ANTXR2: variants seen among roughly 807,000 people sequenced by gnomAD.
The protein encoded by ANTXR2 is ANTXR cell adhesion molecule 2.
ANTXR2 carries 44 observed loss-of-function variants against 73.7 expected under a neutral mutation model. The ratio of observed to expected loss-of-function variants is 0.60; its 90% confidence interval spans 0.47 to 0.77. The LOEUF (loss-of-function observed/expected upper bound fraction) is 0.77. ANTXR2 is among the 30% of genes least tolerant of loss of function. The pLI is 0.00. For synonymous variants in ANTXR2, 217 were observed against 205.9 expected (o/e 1.05, Z -0.46); for missense variants, 604 against 592.5 (o/e 1.02, Z -0.20).
At chr4:79,937,194 A>G (rs1728298890) in intron 16 of ANTXR2, among the ~76,000 whole-genome samples, 1 of 152,172 alleles carries the variant, frequency 6.6e-6, no homozygotes, top group Admixed American at 6.5e-5. Flanking sequence ...CCAGGTGCCT[A>G]TTTCATATTC....
intron 16 of ANTXR2, among the ~76,000 whole-genome samples, chr4:79,946,290 C>G (rs953433509): frequency 6.6e-6 from 1 of 152,184 alleles, no homozygotes; most frequent in African/African-American, 2.4e-5. Context: ...CCTCTGCAAA[C>G]AAACTCTAAG....
chr4:80,008,657 C>T, intron 11 of ANTXR2, 41 bp from the exon 12 acceptor site: 3 of 1,338,124 alleles, frequency 2.2e-6, no homozygotes, highest in Non-Finnish European at 2.1e-6. Context: ...GTCAGCACAG[C>T]TTATGGTCAA....
chr4:79,914,681 C>G (rs1330909451), intron 16 of ANTXR2, among the ~76,000 whole-genome samples: 2 of 152,108 alleles, frequency 1.3e-5, no homozygotes, highest in Non-Finnish European at 2.9e-5. Context: ...TTAACCTGAA[C>G]TAAGTTGAAA....
intron 16 of ANTXR2, among the ~76,000 whole-genome samples, chr4:79,923,021 G>A (rs1157308523): frequency 6.6e-6 from 1 of 151,924 alleles, no homozygotes; most frequent in African/African-American, 2.4e-5. Context: ...TAGACTGTAA[G>A]CTCCATGTTT....
intron 12 of ANTXR2, among the ~76,000 whole-genome samples, chr4:79,993,760 G>GCGCGCGCACACACA (rs71662888): frequency 2.1e-4 from 30 of 140,770 alleles, no homozygotes; most frequent in African/African-American, 7.7e-4. Context: ...ACACACACAC[G>GCGCGCGCACACACA]CACACACACA....
rs899144164 is a variant in ANTXR2 at position 79,905,250 on chromosome 4, T to C, written c.*2179A>G. On this transcript the variant is annotated 3_prime_UTR_variant, in exon 17 of 17. Transcript: ENST00000403729. ...CATAGCCTTAGCTTCTGTAGTATTC[T>C]CAATGATATTAAAATAGCAATAATT... is the stretch of plus-strand genomic sequence containing the variant. The C allele has an allele frequency of 6.6e-6, 1 of 152,214 alleles. No homozygotes were observed. The highest frequency in any genetic ancestry group is 1.5e-5 in the Non-Finnish European group (1 of 68,038). 9.4% of individuals were successfully genotyped at this position (152,214 alleles called of 1,614,324 possible).
At chr4:79,935,603 A>C (rs751164041) in intron 16 of ANTXR2, among the ~76,000 whole-genome samples, 10 of 152,316 alleles carry the variant, frequency 6.6e-5, no homozygotes, top group South Asian at 2.1e-4. Context: ...TAAGAAGAAG[A>C]AGCAAAGTGC....
intron 16 of ANTXR2, among the ~76,000 whole-genome samples, chr4:79,947,989 A>C (rs1728575006): frequency 6.6e-6 from 1 of 152,142 alleles, no homozygotes; most frequent in Admixed American, 6.6e-5. Context: ...TTGCTAGTTG[A>C]CTGTACTCAT....
At chr4:79,983,035 G>A (rs1729957065) in intron 14 of ANTXR2, among the ~76,000 whole-genome samples, 1 of 152,072 alleles carries the variant, frequency 6.6e-6, no homozygotes, top group African/African-American at 2.4e-5. Context: ...CTGGCACAAA[G>A]CAGATATGAC....
intron 12 of ANTXR2, among the ~76,000 whole-genome samples, chr4:80,002,383 T>A (rs1332032002): frequency 6.6e-6 from 1 of 152,146 alleles, no homozygotes; most frequent in African/African-American, 2.4e-5. Context: ...CTGGATCCCT[T>A]CCTTACACCT....
intron 7 of ANTXR2, among the ~76,000 whole-genome samples, chr4:80,047,432 A>AT (rs535165049): frequency 2.0e-5 from 3 of 151,690 alleles, no homozygotes; most frequent in South Asian, 4.2e-4. Context: ...ATCACTACTG[A>AT]TTTTTTTGTT....
intron 16 of ANTXR2, among the ~76,000 whole-genome samples, chr4:79,953,697 CT>C (rs562262658): frequency 6.6e-6 from 1 of 151,568 alleles, no homozygotes; most frequent in Admixed American, 6.6e-5. Flanking sequence ...AATTATATTT[CT>C]TTTTTTTAAG....
chr4:79,978,047 G>A lies in ANTXR2; in HGVS notation c.1307C>T (p.Thr436Ile). 2 of 1,609,876 alleles carry A rather than the reference G, an allele frequency of 1.2e-6. No homozygotes were observed. Among genetic ancestry groups the A allele is most frequent in the South Asian group, 1.1e-5 (1 of 90,818 alleles). The change falls in exon 15 of 17, where the codon ACA becomes ATA. Residue 436 changes from threonine to isoleucine, a missense_variant. Thr to Ile is a moderately conservative substitution (Grantham distance 89, BLOSUM62 -1). Transcript: ENST00000403729. ...IRPRPPRPKP[T>I]HQPPQTKWYT... ...CCATTTTGTCTGAGGAGGCTGGTGT[G>A]TGGGTTTGGGTCGAGGTGGTCTAGG...
Position 80,005,413 on chromosome 4 carries a change from ACAGT to A in ANTXR2, c.1041+3104_1041+3107del, listed in dbSNP as rs1731255916. Among the ~76,000 whole-genome samples, 3 of 152,312 alleles carry A rather than the reference ACAGT, an allele frequency of 2.0e-5. No homozygotes were observed. In the South Asian group the frequency reaches 6.2e-4, roughly 32 times the overall value. Reference sequence around the variant, plus strand: ...ATTAAAAAGTTCATTGCTAGGAATGACAGTCAAAGTCATATTGATCTCCAATAAT... The same window carrying A: ...ATTAAAAAGTTCATTGCTAGGAATGACAAAGTCATATTGATCTCCAATAAT... On this transcript the variant is annotated intron_variant, in intron 12 of 16. Coordinates refer to ENST00000403729, the MANE Select transcript of ANTXR2 (RefSeq NM_058172.6).
At chr4:79,907,536 T>C in intron 16 of ANTXR2, 69 bp from the exon 17 acceptor site, 1 of 1,462,446 alleles carries the variant, frequency 6.8e-7, no homozygotes, top group Non-Finnish European at 9.6e-7. Flanking sequence ...GAACATCTAG[T>C]TTTCCTACCA....
intron 10 of ANTXR2, among the ~76,000 whole-genome samples, chr4:80,031,070 G>A (rs548752193): frequency 1.4e-4 from 22 of 151,864 alleles, no homozygotes; most frequent in Admixed American, 2.6e-4. Flanking sequence ...GTGGTTTTTT[G>A]GCCACACAAA....
At chr4:79,966,213 A>AGACG (rs1729358364) in intron 16 of ANTXR2, among the ~76,000 whole-genome samples, 1 of 44,976 alleles carries the variant, frequency 2.2e-5, no homozygotes, top group Non-Finnish European at 6.7e-5. Context: ...GTAGGTAGAT[A>AGACG]GTTATTTAAA....
chr4:79,921,899 A>G (rs1727607542), intron 16 of ANTXR2, among the ~76,000 whole-genome samples: 1 of 152,032 alleles, frequency 6.6e-6, no homozygotes, highest in South Asian at 2.1e-4. Flanking sequence ...ATATTTGAGA[A>G]AAACAATTTT....
intron 10 of ANTXR2, among the ~76,000 whole-genome samples, chr4:80,022,816 T>C (rs1416004426): frequency 1.3e-5 from 2 of 152,198 alleles, no homozygotes; most frequent in African/African-American, 4.8e-5. Context: ...AAAGGGCATT[T>C]GGGCGAAACT....
Sources: allele counts gnomAD v4.1 joint callset (sites outside exome capture counted in the v4.1 genomes callset), GRCh38; gene constraint gnomAD v4.1.1; transcripts MANE v1.5; gene names NCBI Gene and HGNC (gene_info 2026-07-23, HGNC 2026-07-21).